PTCHD4: variants seen among roughly 807,000 people sequenced by gnomAD.
The protein encoded by PTCHD4 is patched domain-containing protein 4.
Under a neutral mutation model 58.1 loss-of-function variants are expected in PTCHD4, and 33 were observed. The ratio of observed to expected loss-of-function variants is 0.57; its 90% CI spans 0.43 to 0.76. PTCHD4 has a LOEUF of 0.76. PTCHD4 is among the 30% of genes least tolerant of loss of function. The pLI is 0.00. For synonymous variants in PTCHD4, 478 were observed against 409.6 expected, an observed-to-expected ratio of 1.17 and a Z score of -2.02; for missense variants, 1,058 against 1,027.1, an observed-to-expected ratio of 1.03 and a Z score of -0.41.
chr6:47,955,778 T>C (rs2113956908), intron 4 of PTCHD4, among the ~76,000 whole-genome samples: 1 of 152,302 alleles, frequency 6.6e-6, no homozygotes, highest in East Asian at 1.9e-4. Context: ...ATAATTGTGG[T>C]TTACTATCAA....
chr6:47,934,253 G>A (rs1765925808), intron 4 of PTCHD4, among the ~76,000 whole-genome samples: 1 of 152,246 alleles, frequency 6.6e-6, no homozygotes, highest in East Asian at 1.9e-4. Flanking sequence ...GCTCTCCAGG[G>A]ACTCTGGCTC....
intron 3 of PTCHD4, among the ~76,000 whole-genome samples, chr6:48,042,029 T>C (rs544860383): frequency 1.3e-5 from 2 of 152,204 alleles, no homozygotes; most frequent in South Asian, 4.1e-4. Context: ...CTCAAGGTCA[T>C]AACTGCAGAA....
At chr6:47,993,168 A>G (rs113680718) in intron 4 of PTCHD4, among the ~76,000 whole-genome samples, 1 of 152,228 alleles carries the variant, frequency 6.6e-6, no homozygotes, top group Admixed American at 6.5e-5. Context: ...AACTAAGTAA[A>G]TGAAAAAAAT....
intron 3 of PTCHD4, among the ~76,000 whole-genome samples, chr6:48,054,837 TG>T (rs1445794083): frequency 6.6e-6 from 1 of 152,200 alleles, no homozygotes; most frequent in African/African-American, 2.4e-5. Flanking sequence ...ATTTATCACG[TG>T]GTTTCCTAAT....
chr6:48,039,073 A>T (rs1020259186), intron 3 of PTCHD4, among the ~76,000 whole-genome samples: 2 of 152,186 alleles, frequency 1.3e-5, no homozygotes, highest in African/African-American at 4.8e-5. Flanking sequence ...ATTTTAGCAT[A>T]CATGCACTTG....
At chr6:48,082,178 T>G (rs911037038) in intron 1 of PTCHD4, among the ~76,000 whole-genome samples, 3 of 152,172 alleles carry the variant, frequency 2.0e-5, no homozygotes, top group African/African-American at 7.2e-5. Flanking sequence ...TGGCTTAAGA[T>G]TTTCTTCTGT....
intron 4 of PTCHD4, among the ~76,000 whole-genome samples, chr6:47,914,750 A>G (rs970770941): frequency 2.8e-5 from 4 of 141,930 alleles, no homozygotes; most frequent in African/African-American, 8.5e-5. Context: ...TCTATTATCT[A>G]TCTATCTATC....
chr6:48,084,154 T>C (rs929860420), intron 1 of PTCHD4, among the ~76,000 whole-genome samples: 2 of 152,248 alleles, frequency 1.3e-5, no homozygotes, highest in East Asian at 1.9e-4. Context: ...GTTTCATCTA[T>C]GAAATTTCTT....
chr6:48,103,868 GAATGA>G (rs1402721750), intron 1 of PTCHD4, among the ~76,000 whole-genome samples: 4 of 152,138 alleles, frequency 2.6e-5, no homozygotes, highest in Non-Finnish European at 5.9e-5. Context: ...AAGATGAAAT[GAATGA>G]AATGAAGTGT....
intron 3 of PTCHD4, among the ~76,000 whole-genome samples, chr6:48,019,470 C>T (rs984942403): frequency 6.6e-6 from 1 of 152,164 alleles, no homozygotes; most frequent in African/African-American, 2.4e-5. Context: ...GGCGCTGTGG[C>T]TCACGCCTGT....
At chr6:47,965,174 G>A (rs1311596254) in intron 4 of PTCHD4, among the ~76,000 whole-genome samples, 1 of 152,170 alleles carries the variant, frequency 6.6e-6, no homozygotes, top group Non-Finnish European at 1.5e-5. Flanking sequence ...ATTCCTCAGT[G>A]TAATTTCCCT....
intron 4 of PTCHD4, 127 bp from the exon 5 acceptor site, chr6:47,880,063 T>C: frequency 1.3e-6 from 1 of 753,448 alleles, no homozygotes; most frequent in Non-Finnish European, 2.0e-6. Context: ...GTGATCCTCC[T>C]ATCAGGGCCT....
In PTCHD4 at chr6:47,878,406, GA is replaced by G; in HGVS notation, c.2428del (p.Ser810ProfsTer22). On this transcript the variant is annotated frameshift_variant, in exon 5 of 5. Transcript: ENST00000339488. LOFTEE classifies it high-confidence loss of function. ...TTTCTTTTTCTTGTGGTGCTTTTTGGAAGGGGGGAAAAACGTTAGGAACACA... is the reference window on the plus strand; with the variant it reads ...TTTCTTTTTCTTGTGGTGCTTTTTGGAGGGGGGAAAAACGTTAGGAACACA... ...LPVFLTFFPP[S>X]KKHHKKKKRA... is the part of the protein sequence containing the mutation. 1 of 1,613,188 alleles carries G rather than the reference GA, an allele frequency of 6.2e-7. No homozygotes were observed. Among genetic ancestry groups the G allele is most frequent in the Non-Finnish European group, 8.5e-7 (1 of 1,179,580 alleles).
intron 4 of PTCHD4, among the ~76,000 whole-genome samples, chr6:47,905,084 C>CACACACACACACAT (rs1018092941): frequency 6.8e-6 from 1 of 146,910 alleles, no homozygotes; most frequent in Admixed American, 6.7e-5. Flanking sequence ...CACACACACA[C>CACACACACACACAT]ATAAATGAAT....
At chr6:47,952,877 A>G (rs1421780296) in intron 4 of PTCHD4, among the ~76,000 whole-genome samples, 1 of 152,100 alleles carries the variant, frequency 6.6e-6, no homozygotes, top group Non-Finnish European at 1.5e-5. Flanking sequence ...ATGACTACAT[A>G]TGACTGTATA....
intron 4 of PTCHD4, among the ~76,000 whole-genome samples, chr6:47,891,359 A>G (rs1764376875): frequency 6.6e-6 from 1 of 152,078 alleles, no homozygotes; most frequent in Non-Finnish European, 1.5e-5. Context: ...TCGACCACAG[A>G]CAACCTCGCA....
At chr6:48,106,333 A>G (rs1765722805) in intron 1 of PTCHD4, among the ~76,000 whole-genome samples, 1 of 152,230 alleles carries the variant, frequency 6.6e-6, no homozygotes, top group South Asian at 2.1e-4. Flanking sequence ...GCATATAAAC[A>G]GAAACAAAGA....
intron 3 of PTCHD4, among the ~76,000 whole-genome samples, chr6:48,031,383 T>C (rs1763432695): frequency 2.0e-5 from 3 of 152,128 alleles, no homozygotes; most frequent in African/African-American, 7.2e-5. Flanking sequence ...GTACTCAGCG[T>C]TGGGCCCAAT....
In PTCHD4 at chr6:47,861,523, T is replaced by A. The variant is rs1763425382; in HGVS notation, c.*16780A>T. On this transcript the variant is annotated 3_prime_UTR_variant, in exon 5 of 5. Transcript: ENST00000339488. ...AATCAATCATTAGGCATCCTTGCCT[T>A]CCTATCTTACCATTTTGTCCAAAAC... Among the ~76,000 whole-genome samples the A allele has an allele frequency of 6.6e-6, 1 of 151,924 alleles. No homozygotes were observed. The highest frequency in any genetic ancestry group is 6.6e-5 in the Admixed American group (1 of 15,202).
Sources: gnomAD v4.1 joint callset for allele counts (sites outside exome capture counted in the v4.1 genomes callset) on GRCh38, gnomAD v4.1.1 for gene constraint, MANE v1.5 for transcripts, NCBI Gene and HGNC (gene_info 2026-07-23, HGNC 2026-07-21) for gene names.